Variants in CDH12 observed in about 807,000 individuals in gnomAD.
CDH12 encodes cadherin 12, also known as cadherin-12.
Under a neutral mutation model 74.1 loss-of-function variants are expected in CDH12, and 41 were observed. That is an observed-to-expected ratio of 0.55 (90% CI 0.43 to 0.72). The LOEUF (loss-of-function observed/expected upper bound fraction) is 0.72, where lower values mean the gene tolerates loss of function less well. CDH12 is among the 30% of genes least tolerant of loss of function. The probability of loss-of-function intolerance (pLI) is 0.00; values close to 1 mark genes in which losing one functional copy is unlikely to be tolerated. For synonymous variants in CDH12, 399 were observed against 355.0 expected, an observed-to-expected ratio of 1.12 and a Z score of -1.39; for missense variants, 945 against 977.2, an observed-to-expected ratio of 0.97 and a Z score of 0.44.
intron 3 of CDH12, among the ~76,000 whole-genome samples, chr5:22,285,514 C>A (rs1737096088): frequency 6.6e-6 from 1 of 151,988 alleles, no homozygotes; most frequent in Admixed American, 6.6e-5. Context: ...TGTGAAAAAT[C>A]AATAATTATT....
intron 7 of CDH12, among the ~76,000 whole-genome samples, chr5:21,853,836 C>A (rs909383762): frequency 6.6e-6 from 1 of 151,586 alleles, no homozygotes. Flanking sequence ...TTTAAGTTCA[C>A]GTAATACATC....
chr5:22,660,659 C>A (rs1740300116), intron 1 of CDH12, among the ~76,000 whole-genome samples: 1 of 152,178 alleles, frequency 6.6e-6, no homozygotes, highest in African/African-American at 2.4e-5. Context: ...CTCAAGTAAT[C>A]TCCCTGCCTC....
At chr5:22,684,597 T>G (rs1741662780) in intron 1 of CDH12, among the ~76,000 whole-genome samples, 1 of 152,268 alleles carries the variant, frequency 6.6e-6, no homozygotes, top group Non-Finnish European at 1.5e-5. Flanking sequence ...TATTCTTAGG[T>G]TTTCAAACGC....
intron 5 of CDH12, among the ~76,000 whole-genome samples, chr5:22,040,919 T>C (rs1321755350): frequency 6.6e-6 from 1 of 152,124 alleles, no homozygotes; most frequent in South Asian, 2.1e-4. Flanking sequence ...AAGGCTGTTA[T>C]AGTACTATAT....
At chr5:21,880,993 G>A (rs1324417515) in intron 6 of CDH12, among the ~76,000 whole-genome samples, 2 of 151,774 alleles carry the variant, frequency 1.3e-5, no homozygotes, top group Admixed American at 6.6e-5. Flanking sequence ...TAATGCCAGG[G>A]CACTTCTTTA....
chr5:22,064,849 G>A (rs533088890), intron 5 of CDH12, among the ~76,000 whole-genome samples: 12 of 152,256 alleles, frequency 7.9e-5, no homozygotes, highest in Admixed American at 7.2e-4. Context: ...ATTGACAGAC[G>A]TGAGATTGTT....
At chr5:21,869,879 G>A (rs1340267941) in intron 6 of CDH12, among the ~76,000 whole-genome samples, 1 of 152,130 alleles carries the variant, frequency 6.6e-6, no homozygotes, top group Non-Finnish European at 1.5e-5. Context: ...ATACCTAGTG[G>A]TATGGTTTGG....
intron 3 of CDH12, among the ~76,000 whole-genome samples, chr5:22,369,158 T>G (rs1295647734): frequency 6.7e-6 from 1 of 150,168 alleles, no homozygotes; most frequent in Non-Finnish European, 1.5e-5. Context: ...GAATAAAAAA[T>G]AAAATAAAAT....
At chr5:22,534,975 C>T (rs1580742209) in intron 1 of CDH12, among the ~76,000 whole-genome samples, 1 of 143,440 alleles carries the variant, frequency 7.0e-6, no homozygotes, top group Non-Finnish European at 1.5e-5. Flanking sequence ...ATTTCTATTG[C>T]ATTTTTTTTT....
chr5:22,847,891 T>G (rs35910185), intron 1 of CDH12, among the ~76,000 whole-genome samples: 180 of 152,150 alleles, frequency 1.2e-3, no homozygotes, highest in Middle Eastern at 3.4e-3. Flanking sequence ...TTTCTTTCTT[T>G]TTTTTCTTGT....
intron 5 of CDH12, among the ~76,000 whole-genome samples, chr5:22,038,839 C>A (rs951568558): frequency 6.6e-6 from 1 of 152,060 alleles, no homozygotes. Flanking sequence ...ATGTGGTACC[C>A]CACATCCCAG....
At position 22,115,810 on chromosome 5, in the gene CDH12, A is replaced by G. The variant is rs555187613; in HGVS notation, c.-186-36948T>C. ...GGGTTCAAGCGATTCTTCTGCCTCA[A>G]CCTCCCAAGCAGCTGGGACTACAGG... On this transcript the variant is annotated intron_variant, in intron 4 of 14. Coordinates refer to ENST00000382254, the MANE Select transcript of CDH12 (RefSeq NM_004061.5). 5.9e-4 allele frequency among the ~76,000 whole-genome samples: 87 copies of G among 148,622 alleles called. No homozygotes were observed. The South Asian group carries it at 0.012, about 20-fold the overall frequency.
chr5:22,141,057 A>G (rs1580312556), intron 4 of CDH12: 1 of 152,134 alleles, frequency 6.6e-6, no homozygotes, highest in East Asian at 1.9e-4. Context: ...CCATTATCAT[A>G]CTTCTCAAAT....
chr5:22,496,587 T>C (rs1747111134), intron 2 of CDH12, among the ~76,000 whole-genome samples: 1 of 152,210 alleles, frequency 6.6e-6, no homozygotes, highest in South Asian at 2.1e-4. Flanking sequence ...AAATTAATTC[T>C]GTCTTTATTT....
At chr5:22,252,360 A>C (rs1057104701) in intron 3 of CDH12, among the ~76,000 whole-genome samples, 6 of 151,708 alleles carry the variant, frequency 4.0e-5, no homozygotes, top group African/African-American at 1.2e-4. Flanking sequence ...TTGTGACATC[A>C]TTATGGATGC....
At chr5:22,339,958 T>A (rs527880181) in intron 3 of CDH12, among the ~76,000 whole-genome samples, 9 of 152,328 alleles carry the variant, frequency 5.9e-5, no homozygotes, top group Non-Finnish European at 1.2e-4. Flanking sequence ...CATATATGTA[T>A]GCATATGTGT....
At chr5:21,928,703 T>C (rs1754702849) in intron 6 of CDH12, among the ~76,000 whole-genome samples, 2 of 152,302 alleles carry the variant, frequency 1.3e-5, no homozygotes, top group Non-Finnish European at 2.9e-5. Flanking sequence ...TTAATTGAGC[T>C]TTGCATATTT....
chr5:21,832,224 T>C (rs566709590), intron 8 of CDH12, among the ~76,000 whole-genome samples: 5 of 152,254 alleles, frequency 3.3e-5, no homozygotes, highest in African/African-American at 1.2e-4. Flanking sequence ...CTTTGTCCTT[T>C]AGGACATGGT....
chr5:21,941,009 G>A (rs1199776974), intron 6 of CDH12, among the ~76,000 whole-genome samples: 4 of 152,150 alleles, frequency 2.6e-5, no homozygotes, highest in Admixed American at 1.3e-4. Flanking sequence ...CTAGGCTTAT[G>A]AGAGTCAAAG....
Sources: allele counts gnomAD v4.1 joint callset (sites outside exome capture counted in the v4.1 genomes callset), GRCh38; gene constraint gnomAD v4.1.1; transcripts MANE v1.5; gene names NCBI Gene and HGNC (gene_info 2026-07-23, HGNC 2026-07-21).